Variants in PSD4 observed in about 807,000 individuals in gnomAD.
PSD4 encodes the protein pleckstrin and Sec7 domain containing 4.
PSD4 carries 59 observed loss-of-function variants against 112.5 expected under a neutral mutation model. That is an observed-to-expected ratio of 0.52 (90% CI 0.43 to 0.65). The LOEUF is 0.65. Ranked by LOEUF, PSD4 falls within the 30% of genes least tolerant of loss-of-function variation. The probability of loss-of-function intolerance (pLI) is 0.00; values close to 1 mark genes in which losing one functional copy is unlikely to be tolerated. For missense variants in PSD4, 1,267 were observed against 1,352.6 expected, an observed-to-expected ratio of 0.94 and a Z score of 0.99; for synonymous variants, 533 against 540.0, an observed-to-expected ratio of 0.99 and a Z score of 0.18.
At position 113,206,150 on chromosome 2, in the gene PSD4, T is replaced by C. The variant is rs1294128130; in HGVS notation, c.*4735T>C. The C allele has an allele frequency of 2.6e-5, 4 of 152,266 alleles. No individual in the cohort carries two copies. Among genetic ancestry groups the C allele is most frequent in the Admixed American group, 2.6e-4 (4 of 15,286 alleles). 9.4% of individuals were successfully genotyped at this position (152,266 alleles called of 1,614,324 possible). ...CTCTACCCCCTTCATTATCATGCCTTGCAAACACCATCATGAGCAAAAATC... is the reference window on the plus strand; with the variant it reads ...CTCTACCCCCTTCATTATCATGCCTCGCAAACACCATCATGAGCAAAAATC... On this transcript the variant is annotated 3_prime_UTR_variant, in exon 17 of 17. Coordinates refer to ENST00000245796, the MANE Select transcript of PSD4 (RefSeq NM_012455.3).
intron 14 of PSD4, 35 bp from the exon 15 acceptor site, chr2:113,198,703 CTG>C (rs1336981097): frequency 1.3e-6 from 2 of 1,508,970 alleles, no homozygotes; most frequent in African/African-American, 1.4e-5. Context: ...AGGACGGACT[CTG>C]TGTCCCCGGG....
chr2:113,192,433 C>T lies in PSD4; in HGVS notation c.1682C>T (p.Pro561Leu). ...NSSWLPGSPMPQAQSPEEGQR... is the reference protein window; with the variant it reads ...NSSWLPGSPMLQAQSPEEGQR... ...TCTTGGCTTCCTGGGAGCCCTATGCCCCAAGCACAGTCCCCAGAGGAAGGC... is the reference window on the plus strand; with the variant it reads ...TCTTGGCTTCCTGGGAGCCCTATGCTCCAAGCACAGTCCCCAGAGGAAGGC... The change falls in exon 6 of 17, where the codon CCC (proline) becomes CTC (leucine). Residue 561 changes from proline (P) to leucine (L), a missense_variant. This residue lies in a region of PSD4 where 723 missense variants were observed against 704.0 expected (regional missense o/e 1.03). Coordinates refer to ENST00000245796, the MANE Select transcript of PSD4 (RefSeq NM_012455.3). 6.2e-7 allele frequency: 1 copy of T among 1,614,204 alleles called. No individual in the cohort carries two copies. The highest frequency in any genetic ancestry group is 1.1e-5 in the South Asian group (1 of 91,090).
chr2:113,199,857 G>A (rs902913606), intron 16 of PSD4, among the ~76,000 whole-genome samples: 6 of 152,258 alleles, frequency 3.9e-5, no homozygotes, highest in East Asian at 1.9e-4. Context: ...ACAAAGTCTC[G>A]CTCTGTCGCC....
At chr2:113,197,275 T>G in intron 12 of PSD4, 2 of 449,054 alleles carry the variant, frequency 4.5e-6, no homozygotes, top group Non-Finnish European at 8.3e-6. Flanking sequence ...GTAGTGGGTG[T>G]GTGTTTGGAG....
chr2:113,185,695 T>G, intron 4 of PSD4, 182 bp from the exon 5 acceptor site: 1 of 1,548,668 alleles, frequency 6.5e-7, no homozygotes. Flanking sequence ...CCTGGAGGCT[T>G]GAGTCCTGGG....
At chr2:113,178,439 GA>G (rs1375477673) in intron 1 of PSD4, among the ~76,000 whole-genome samples, 1 of 149,914 alleles carries the variant, frequency 6.7e-6, no homozygotes, top group South Asian at 2.1e-4. Flanking sequence ...TTTTTCCTCT[GA>G]AAAAACCCAG....
At position 113,205,130 on chromosome 2, in the gene PSD4, G is replaced by C. The variant is rs1378142780; in HGVS notation, c.*3715G>C. On this transcript the variant is annotated 3_prime_UTR_variant, in exon 17 of 17. Transcript: ENST00000245796. ...TTACAGGCATGCACCACCATGCCCA[G>C]CTAATTTTGTATTTTTTAGTAGAGA... 1 of 152,004 alleles carries C rather than the reference G, an allele frequency of 6.6e-6. No individual in the cohort carries two copies. The highest frequency in any genetic ancestry group is 1.5e-5 in the Non-Finnish European group (1 of 68,002). The allele number at this position is 152,004 out of a possible 1,614,324, so 9.4% of individuals were successfully genotyped here.
intron 5 of PSD4, among the ~76,000 whole-genome samples, chr2:113,189,650 C>A (rs1220663221): frequency 6.6e-6 from 1 of 152,062 alleles, no homozygotes; most frequent in East Asian, 1.9e-4. Flanking sequence ...AGAAGCGTTC[C>A]CTATTGACCT....
intron 16 of PSD4, among the ~76,000 whole-genome samples, chr2:113,199,788 C>T (rs1023784557): frequency 1.1e-4 from 16 of 152,110 alleles, no homozygotes; most frequent in African/African-American, 3.6e-4. Flanking sequence ...CTAAATGCCC[C>T]GTTTATGGTC....
At chr2:113,196,391 C>A in intron 12 of PSD4, 84 bp downstream of exon 12, 1 of 1,466,538 alleles carries the variant, frequency 6.8e-7, no homozygotes, top group Non-Finnish European at 9.1e-7. Flanking sequence ...CACAGGTGTG[C>A]AGAGAGACAG....
chr2:113,183,372 T>A lies in PSD4; in HGVS notation c.916T>A (p.Leu306Met), dbSNP rs1344464392. The stretch of plus-strand genomic sequence containing the variant: ...GTGGGAGCTGGAAAGTGAGCCAGAT[T>A]TGGGGGACGGCGCTGCTATCAGTGG... Reference protein sequence around the residue: ...VLWELESEPDLGDGAAISGHC... With the variant: ...VLWELESEPDMGDGAAISGHC... Residue 306 changes from leucine (L) to methionine (M), a missense_variant, in exon 2 of 17, where the codon TTG becomes ATG. Physicochemically the swap from Leu to Met is conservative, Grantham distance 15. Coordinates refer to ENST00000245796, the MANE Select transcript of PSD4 (RefSeq NM_012455.3). 6.3e-7 allele frequency: 1 copy of A among 1,582,354 alleles called. No individual in the cohort carries two copies. The highest frequency in any genetic ancestry group is 8.6e-7 in the Non-Finnish European group (1 of 1,163,456).
chr2:113,182,916 G>A lies in PSD4; in HGVS notation c.460G>A (p.Val154Ile). The change falls in exon 2 of 17, where the codon GTA (valine) becomes ATA (isoleucine). Residue 154 changes from valine (V) to isoleucine (I), a missense_variant. Physicochemically the swap from Val to Ile is conservative, Grantham distance 29. Coordinates refer to ENST00000245796, the MANE Select transcript of PSD4 (RefSeq NM_012455.3). Reference protein sequence around the residue: ...PKQNRSTSTQVVFWAGILQAQ... With the variant: ...PKQNRSTSTQIVFWAGILQAQ... ...GCAGAACCGGAGCACGTCCACACAG[G>A]TAGTGTTCTGGGCAGGCATCCTGCA... is the stretch of plus-strand genomic sequence containing the variant. The A allele has an allele frequency of 6.2e-7, 1 of 1,614,238 alleles. No individual in the cohort carries two copies. Among genetic ancestry groups the A allele is most frequent in the Non-Finnish European group, 8.5e-7 (1 of 1,180,034 alleles).
intron 5 of PSD4, among the ~76,000 whole-genome samples, chr2:113,190,743 C>T (rs1175149435): frequency 6.6e-6 from 1 of 152,248 alleles, no homozygotes; most frequent in Non-Finnish European, 1.5e-5. Flanking sequence ...GCATGAGCCA[C>T]TGCACCCAGC....
chr2:113,180,161 G>A (rs996317872), intron 1 of PSD4, among the ~76,000 whole-genome samples: 2 of 152,162 alleles, frequency 1.3e-5, no homozygotes, highest in Admixed American at 6.5e-5. Flanking sequence ...CCTGACCTTC[G>A]TGAGAGAGCG....
intron 1 of PSD4, among the ~76,000 whole-genome samples, chr2:113,176,698 G>A (rs1687990649): frequency 6.6e-6 from 1 of 152,218 alleles, no homozygotes; most frequent in African/African-American, 2.4e-5. Context: ...TGGGATAACA[G>A]ACAGGAGATT....
rs1688801712 is a variant in PSD4 at position 113,202,520 on chromosome 2, C to G, written c.*1105C>G. 6.5e-6 allele frequency: 1 copy of G among 152,790 alleles called. No individual in the cohort carries two copies. Among genetic ancestry groups the G allele is most frequent in the Non-Finnish European group, 1.5e-5 (1 of 68,448 alleles). 9.5% of individuals were successfully genotyped at this position (152,790 alleles called of 1,614,324 possible). On this transcript the variant is annotated 3_prime_UTR_variant, in exon 17 of 17. Transcript: ENST00000245796. ...AGCTCAGAGGGTCTCTGCTGCTCTCCCCTGGGAAATCCCCTCATCCTGCCC... is the reference window on the plus strand; with the variant it reads ...AGCTCAGAGGGTCTCTGCTGCTCTCGCCTGGGAAATCCCCTCATCCTGCCC...
intron 5 of PSD4, among the ~76,000 whole-genome samples, chr2:113,189,165 G>A (rs1036758499): frequency 2.6e-5 from 4 of 151,972 alleles, no homozygotes; most frequent in South Asian, 2.1e-4. Context: ...GGATGTTTGC[G>A]TTTCCATTCC....
intron 5 of PSD4, 104 bp downstream of exon 5, chr2:113,186,359 C>A (rs1688300438): frequency 2.4e-6 from 3 of 1,241,278 alleles, no homozygotes; most frequent in Admixed American, 2.4e-5. Context: ...ATTAAACATA[C>A]CCATATTTAT....
chr2:113,199,009 G>T (rs1263204094), intron 15 of PSD4, 74 bp from the exon 16 acceptor site: 77 of 1,511,768 alleles, frequency 5.1e-5, no homozygotes, highest in Non-Finnish European at 6.6e-5. Context: ...CGGCCAGGGG[G>T]GCGGCGCGCC....
Sources: allele counts gnomAD v4.1 joint callset (sites outside exome capture counted in the v4.1 genomes callset), GRCh38; gene constraint gnomAD v4.1.1; regional missense constraint gnomAD v4.1.1; transcripts MANE v1.5; gene names NCBI Gene and HGNC (gene_info 2026-07-23, HGNC 2026-07-21).